The following DNASE1 variants were observed in gnomAD, a reference collection of about 807,000 sequenced individuals.
The protein encoded by DNASE1 is deoxyribonuclease-1.
DNASE1 carries 40 observed loss-of-function variants against 33.9 expected under a neutral mutation model. The observed-to-expected ratio is 1.18, with a 90% CI of 0.92 to 1.54. The LOEUF is 1.54. Among genes scored for constraint, DNASE1 ranks in the 40% most tolerant of loss-of-function variants. The pLI, the probability that DNASE1 is intolerant of heterozygous loss-of-function variation, is 0.00. For missense variants in DNASE1, 518 were observed against 372.6 expected (o/e 1.39, Z -3.21); for synonymous variants, 216 against 160.0 (o/e 1.35, Z -2.64).
intron 3 of DNASE1, 48 bp from the exon 4 acceptor site, chr16:3,656,054 G>C (rs778896929): frequency 6.2e-7 from 1 of 1,611,894 alleles, no homozygotes; most frequent in South Asian, 1.1e-5. Context: ...CAGCCAGAGG[G>C]GTCCCCTATG....
intron 1 of DNASE1, among the ~76,000 whole-genome samples, chr16:3,612,775 C>T (rs1173348872): frequency 2.0e-5 from 3 of 152,104 alleles, no homozygotes; most frequent in Non-Finnish European, 4.4e-5. Flanking sequence ...CATTAGGAGG[C>T]TATTACATAA....
chr16:3,633,306 T>C (rs1033302294), intron 1 of DNASE1, among the ~76,000 whole-genome samples: 4 of 152,202 alleles, frequency 2.6e-5, no homozygotes, highest in Non-Finnish European at 4.4e-5. Flanking sequence ...CTTCTTATTA[T>C]ATACTTTTAA....
chr16:3,655,012 T>G lies in DNASE1; in HGVS notation c.-34T>G, dbSNP rs568988690. ...ATATTCCAGATTCTTGACAGCATTC[T>G]CGTCATCTCTGAGGACATCACCATC... On this transcript the variant is annotated 5_prime_UTR_variant, in exon 1 of 9. Coordinates refer to ENST00000246949, the MANE Select transcript of DNASE1 (RefSeq NM_005223.4). 1.2e-5 allele frequency: 6 copies of G among 494,022 alleles called. No individual in the cohort carries two copies. Among genetic ancestry groups the G allele is most frequent in the Non-Finnish European group, 2.1e-5 (6 of 281,822 alleles). The allele number at this position is 494,022 out of a possible 1,614,324, so 30.6% of individuals were successfully genotyped here.
downstream of DNASE1, chr16:3,662,924 G>C (rs2043168313): frequency 1.9e-6 from 3 of 1,613,018 alleles, no homozygotes; most frequent in Admixed American, 3.3e-5. Context: ...TTCTCATCCA[G>C]GCCATGAGCT....
At position 3,627,752 on chromosome 16, in the gene DNASE1, A is replaced by G. The variant is rs370152636; in HGVS notation, c.-1358-12963A>G. Among the ~76,000 whole-genome samples the G allele has an allele frequency of 2.6e-5, 4 of 152,254 alleles. No individual in the cohort carries two copies. In the East Asian group the frequency reaches 5.8e-4, roughly 22 times the overall value. ...GATTTATTTCTGGGCTGTCAACTCTATTCCAATAGTCTGTATGTCTGTCTT... is the reference window on the plus strand; with the variant it reads ...GATTTATTTCTGGGCTGTCAACTCTGTTCCAATAGTCTGTATGTCTGTCTT... On this transcript the variant is annotated intron_variant and NMD_transcript_variant, in intron 1 of 11. Transcript: ENST00000570769.
chr16:3,641,618 G>A (rs755298758), upstream of DNASE1, among the ~76,000 whole-genome samples: 10 of 152,194 alleles, frequency 6.6e-5, no homozygotes, highest in Non-Finnish European at 1.2e-4. Context: ...CCCCACAGGT[G>A]CCCTCAGAAA....
intron 1 of DNASE1, among the ~76,000 whole-genome samples, chr16:3,619,744 C>T (rs2041240033): frequency 6.6e-6 from 1 of 152,042 alleles, no homozygotes; most frequent in African/African-American, 2.4e-5. Context: ...TTCCTGGGCT[C>T]AAGTGGTTCT....
downstream of DNASE1, chr16:3,661,523 C>G (rs186688464): frequency 6.5e-6 from 1 of 153,556 alleles, no homozygotes; most frequent in East Asian, 1.9e-4. Context: ...GGAGGCCCAG[C>G]AGAGCAGAAC....
At chr16:3,624,863 TTTTA>T (rs1307187618) in intron 1 of DNASE1, among the ~76,000 whole-genome samples, 2 of 152,106 alleles carry the variant, frequency 1.3e-5, no homozygotes, top group African/African-American at 4.8e-5. Context: ...TAATTTTTTA[TTTTA>T]TTTTTTATTT....
downstream of DNASE1, chr16:3,662,382 C>G: frequency 3.4e-6 from 2 of 586,394 alleles, no homozygotes; most frequent in East Asian, 2.9e-5. Context: ...CAGGAGCTGC[C>G]CGAATCCATC....
At chr16:3,657,425 A>C (rs1234997252) in intron 7 of DNASE1, 84 bp downstream of exon 7, 4 of 1,549,322 alleles carry the variant, frequency 2.6e-6, no homozygotes, top group African/African-American at 1.4e-5. Flanking sequence ...AGAAGCCTCA[A>C]AGCCTTTGAA....
chr16:3,641,050 C>T, upstream of DNASE1: 1 of 398,072 alleles, frequency 2.5e-6, no homozygotes, highest in Non-Finnish European at 4.4e-6. Context: ...CTAGACTCAT[C>T]CCCAGCCCCC....
chr16:3,626,293 A>G (rs1457583745), intron 1 of DNASE1, among the ~76,000 whole-genome samples: 1 of 152,210 alleles, frequency 6.6e-6, no homozygotes, highest in Non-Finnish European at 1.5e-5. Context: ...GAAAATGCAA[A>G]TTAAACCACA....
intron 2 of DNASE1, 80 bp downstream of exon 2, chr16:3,655,600 C>T (rs1310537817): frequency 4.4e-6 from 7 of 1,601,272 alleles, no homozygotes; most frequent in Non-Finnish European, 6.0e-6. Context: ...CCCTATGGAG[C>T]CACAGGGTGT....
At chr16:3,647,726 A>G (rs2151200308) in intron 1 of DNASE1, among the ~76,000 whole-genome samples, 1 of 152,322 alleles carries the variant, frequency 6.6e-6, no homozygotes, top group East Asian at 1.9e-4. Flanking sequence ...ATATAAGGCC[A>G]GGTGTTGTAG....
chr16:3,615,681 CTG>C (rs527390355), intron 1 of DNASE1, among the ~76,000 whole-genome samples: 9 of 152,190 alleles, frequency 5.9e-5, no homozygotes, highest in Admixed American at 2.6e-4. Context: ...CATGAAAAAA[CTG>C]TGTTATTCCA....
intron 1 of DNASE1, among the ~76,000 whole-genome samples, chr16:3,612,988 T>C (rs1436036381): frequency 6.6e-6 from 1 of 152,198 alleles, no homozygotes; most frequent in Non-Finnish European, 1.5e-5. Context: ...ATATGTTTTT[T>C]AAAAGATACA....
Position 3,657,341 on chromosome 16 carries a change from G to A in DNASE1, c.704G>A (p.Arg235Lys), listed in dbSNP as rs375616517. The A allele has an allele frequency of 6.2e-7, 1 of 1,612,832 alleles. No individual in the cohort carries two copies. The highest frequency in any genetic ancestry group is 8.5e-7 in the Non-Finnish European group (1 of 1,179,958). The change falls in exon 7 of 9, where the codon AGG becomes AAG. Residue 235 changes from arginine to lysine, a missense_variant and splice_region_variant. Arg to Lys is a conservative substitution (Grantham distance 26). Transcript: ENST00000246949. ...ACACCCACGCACTGTGCCTATGACA[G>A]GTGAGCAGGGCCTCGCGCTTAGGGC... is the stretch of plus-strand genomic sequence containing the variant. ...TATPTHCAYD[R>K]IVVAGMLLRG...
chr16:3,663,898 AT>A, exon 10 of DNASE1: 1 of 359,620 alleles, frequency 2.8e-6, no homozygotes. Flanking sequence ...TGCCGTCTCT[AT>A]TAAAAATACA....
Sources: gnomAD v4.1 joint callset for allele counts (sites outside exome capture counted in the v4.1 genomes callset) on GRCh38, gnomAD v4.1.1 for gene constraint, MANE v1.5 for transcripts, NCBI Gene and HGNC (gene_info 2026-07-23, HGNC 2026-07-21) for gene names.